INPP4B: variants seen among roughly 807,000 people sequenced by gnomAD.
INPP4B encodes the protein inositol polyphosphate 4-phosphatase type II.
In INPP4B, 55 loss-of-function variants were observed where a neutral mutation model predicts 122.5. The ratio of observed to expected loss-of-function variants is 0.45; its 90% confidence interval spans 0.36 to 0.56. The LOEUF is 0.56. Among genes scored for constraint, INPP4B ranks in the 20% least tolerant of loss-of-function variants. INPP4B has a pLI of 0.00. For missense variants in INPP4B, 1,000 were observed against 1,097.7 expected (o/e 0.91, Z 1.26); for synonymous variants, 403 against 388.7 (o/e 1.04, Z -0.43).
intron 2 of INPP4B, among the ~76,000 whole-genome samples, chr4:142,597,040 T>C (rs1376224470): frequency 6.6e-6 from 1 of 152,208 alleles, no homozygotes; most frequent in South Asian, 2.1e-4. Context: ...GACTAAGTAT[T>C]GGACTAGAGG....
At chr4:142,127,054 C>A (rs1414736184) in intron 18 of INPP4B, among the ~76,000 whole-genome samples, 1 of 152,152 alleles carries the variant, frequency 6.6e-6, no homozygotes, top group Non-Finnish European at 1.5e-5. Context: ...AATTCCCAAA[C>A]ATAAAATACA....
At chr4:142,135,427 A>T (rs560135579) in intron 18 of INPP4B, among the ~76,000 whole-genome samples, 6 of 148,082 alleles carry the variant, frequency 4.1e-5, no homozygotes, top group African/African-American at 1.1e-4. Flanking sequence ...AAAAAGTGAG[A>T]TATTTTATAT....
intron 21 of INPP4B, among the ~76,000 whole-genome samples, chr4:142,113,646 A>C (rs536804484): frequency 6.6e-6 from 1 of 152,108 alleles, no homozygotes; most frequent in South Asian, 2.1e-4. Context: ...TTACCTTCAG[A>C]TGAGTGAGCG....
intron 2 of INPP4B, among the ~76,000 whole-genome samples, chr4:142,592,221 G>A (rs887087646): frequency 6.6e-6 from 1 of 152,122 alleles, no homozygotes; most frequent in East Asian, 1.9e-4. Flanking sequence ...TTTTTCCCAG[G>A]TGACAGCCCA....
chr4:142,515,198 A>T (rs1400339051), intron 2 of INPP4B, among the ~76,000 whole-genome samples: 2 of 151,818 alleles, frequency 1.3e-5, no homozygotes, highest in African/African-American at 2.4e-5. Flanking sequence ...GCCTCCTGAA[A>T]CTCTTGCCTG....
At chr4:142,628,819 C>T (rs1023848573) in intron 2 of INPP4B, among the ~76,000 whole-genome samples, 1 of 151,884 alleles carries the variant, frequency 6.6e-6, no homozygotes, top group African/African-American at 2.4e-5. Context: ...AAGATAAACG[C>T]AAATAAGTGC....
At chr4:142,035,240 A>G (rs1280479178) in intron 25 of INPP4B, among the ~76,000 whole-genome samples, 1 of 152,084 alleles carries the variant, frequency 6.6e-6, no homozygotes, top group Non-Finnish European at 1.5e-5. Flanking sequence ...CCTGCTTGAG[A>G]GATTTGATTT....
rs1452993820 is a variant in INPP4B at position 142,700,508 on chromosome 4, G to C, written c.-191+25331C>G. Reference sequence around the variant, plus strand: ...AGAATTGTACTTATTTCCATCGTAGGATAGAGAATTACTTCTTTTCTTCAA... The same window carrying C: ...AGAATTGTACTTATTTCCATCGTAGCATAGAGAATTACTTCTTTTCTTCAA... On this transcript the variant is annotated intron_variant, in intron 2 of 25. Transcript: ENST00000262992. Among the ~76,000 whole-genome samples the C allele has an allele frequency of 6.6e-5, 10 of 152,078 alleles. No individual in the cohort carries two copies. In the South Asian group the frequency reaches 8.3e-4, roughly 13 times the overall value.
At chr4:142,182,611 T>C (rs1003501861) in intron 15 of INPP4B, among the ~76,000 whole-genome samples, 2 of 151,944 alleles carry the variant, frequency 1.3e-5, no homozygotes, top group East Asian at 3.9e-4. Context: ...TCAACATGAT[T>C]ATTTTCTTAT....
At chr4:142,219,751 G>T (rs899391526) in intron 12 of INPP4B, among the ~76,000 whole-genome samples, 2 of 152,148 alleles carry the variant, frequency 1.3e-5, no homozygotes, top group Non-Finnish European at 2.9e-5. Flanking sequence ...GACTTGGACG[G>T]AGGATGTTGT....
chr4:142,777,028 C>T (rs571160449), intron 1 of INPP4B, among the ~76,000 whole-genome samples: 64 of 152,226 alleles, frequency 4.2e-4, no homozygotes, highest in Non-Finnish European at 7.8e-4. Flanking sequence ...GAGTGAGTTT[C>T]CCTGCTGCCT....
intron 17 of INPP4B, among the ~76,000 whole-genome samples, chr4:142,151,214 A>G (rs529397191): frequency 1.8e-4 from 27 of 152,146 alleles, no homozygotes; most frequent in Non-Finnish European, 3.5e-4. Context: ...AGGTAAATTG[A>G]GTTGCACTTA....
Position 142,208,977 on chromosome 4 carries a change from G to T in INPP4B, c.886C>A (p.Leu296Met). Residue 296 changes from leucine to methionine, a missense_variant, in exon 13 of 26, where the codon CTG becomes ATG. Leu to Met is a conservative substitution (Grantham distance 15, BLOSUM62 2). Transcript: ENST00000262992. ...LGELSPHWDN[L>M]RKNVLTHCDQ... ...CAGTGAGTAAGGACATTTTTTCGCA[G>T]ATTGTCCCAATGTGGAGAAAGCTCA... 6.2e-7 allele frequency: 1 copy of T among 1,605,820 alleles called. No individual in the cohort carries two copies. The highest frequency in any genetic ancestry group is 8.5e-7 in the Non-Finnish European group (1 of 1,174,684).
intron 3 of INPP4B, among the ~76,000 whole-genome samples, chr4:142,441,140 C>T (rs1428760678): frequency 2.0e-5 from 3 of 152,060 alleles, no homozygotes; most frequent in South Asian, 2.1e-4. Context: ...CATGATCATA[C>T]GTGAATTTTA....
intron 25 of INPP4B, among the ~76,000 whole-genome samples, chr4:142,035,984 T>A (rs1342344080): frequency 6.6e-6 from 1 of 152,104 alleles, no homozygotes; most frequent in Non-Finnish European, 1.5e-5. Context: ...GTAGGTTTGC[T>A]ATTTGGGTAT....
At chr4:142,410,241 G>C (rs1804319187) in intron 5 of INPP4B, among the ~76,000 whole-genome samples, 1 of 152,166 alleles carries the variant, frequency 6.6e-6, no homozygotes, top group Non-Finnish European at 1.5e-5. Context: ...TTAGACAAGG[G>C]GGGTGTCAAC....
chr4:142,255,662 A>AAT (rs1029558131), intron 11 of INPP4B, among the ~76,000 whole-genome samples: 3 of 152,108 alleles, frequency 2.0e-5, no homozygotes, highest in Non-Finnish European at 2.9e-5. Context: ...AACTATCCTA[A>AAT]ATATATATAT....
intron 16 of INPP4B, among the ~76,000 whole-genome samples, chr4:142,169,190 CTCT>C (rs1460599044): frequency 2.4e-4 from 37 of 151,356 alleles, no homozygotes; most frequent in Admixed American, 2.6e-4. Context: ...TGTATACTAT[CTCT>C]TATTTCACCA....
intron 7 of INPP4B, chr4:142,383,795 A>T: frequency 2.7e-6 from 1 of 368,260 alleles, no homozygotes; most frequent in Non-Finnish European, 4.9e-6. Context: ...GAGGGAAAGG[A>T]GAGGAGATTG....
Sources: gnomAD v4.1 joint callset for allele counts (sites outside exome capture counted in the v4.1 genomes callset) on GRCh38, gnomAD v4.1.1 for gene constraint, MANE v1.5 for transcripts, NCBI Gene and HGNC (gene_info 2026-07-23, HGNC 2026-07-21) for gene names.